The following KDM3B variants were observed in gnomAD, a reference collection of about 807,000 sequenced individuals.
KDM3B encodes lysine demethylase 3B.
Under a neutral mutation model 170.0 loss-of-function variants are expected in KDM3B, and 10 were observed. The ratio of observed to expected loss-of-function variants is 0.06; its 90% CI spans 0.04 to 0.10. The LOEUF is 0.10. Ranked by LOEUF, KDM3B falls within the 10% of genes least tolerant of loss-of-function variation. The pLI is 1.00. For synonymous variants in KDM3B, 831 were observed against 834.8 expected (o/e 1.00, Z 0.08); for missense variants, 1,394 against 2,195.2 (o/e 0.64, Z 7.29).
At chr5:138,384,714 G>A (rs1023955368) in intron 6 of KDM3B, among the ~76,000 whole-genome samples, 1 of 142,864 alleles carries the variant, frequency 7.0e-6, no homozygotes, top group African/African-American at 2.6e-5. Flanking sequence ...ACTCCAGCCT[G>A]CACGACAAGA....
intron 1 of KDM3B, among the ~76,000 whole-genome samples, chr5:138,370,404 T>A (rs1243738517): frequency 6.6e-6 from 1 of 152,212 alleles, no homozygotes; most frequent in Non-Finnish European, 1.5e-5. Flanking sequence ...GCTAGGCTAC[T>A]GAGCTATGGT....
At chr5:138,364,331 GAT>G (rs990310570) in intron 1 of KDM3B, among the ~76,000 whole-genome samples, 6 of 152,130 alleles carry the variant, frequency 3.9e-5, no homozygotes, top group Non-Finnish European at 7.3e-5. Flanking sequence ...TAACGCAAAA[GAT>G]AATAATAAAT....
intron 11 of KDM3B, among the ~76,000 whole-genome samples, chr5:138,410,072 C>G (rs778266189): frequency 6.7e-6 from 1 of 150,148 alleles, no homozygotes; most frequent in Non-Finnish European, 1.5e-5. Context: ...GGGCAATGAG[C>G]GAAACTCCTT....
In KDM3B at chr5:138,381,601, G is replaced by A. The variant is rs757161189; in HGVS notation, c.780+11G>A. 6.5e-7 allele frequency: 1 copy of A among 1,537,520 alleles called. No homozygotes were observed. Among genetic ancestry groups the A allele is most frequent in the Non-Finnish European group, 9.0e-7 (1 of 1,109,956 alleles). On this transcript the variant is annotated intron_variant, in intron 6 of 23. Transcript: ENST00000314358. ...GCGCCTCAAAGCGAGGTACAGTAAT[G>A]GACTGCATTCCTGAGCAGACTCATG...
At chr5:138,427,121 A>G in intron 18 of KDM3B, 56 bp downstream of exon 18, 1 of 1,606,544 alleles carries the variant, frequency 6.2e-7, no homozygotes, top group Admixed American at 1.7e-5. Context: ...AATCACAGAA[A>G]AGTGAAATTT....
intron 23 of KDM3B, among the ~76,000 whole-genome samples, chr5:138,433,090 C>T (rs923649963): frequency 8.0e-5 from 12 of 149,788 alleles, no homozygotes; most frequent in African/African-American, 2.7e-4. Context: ...ACCTTCAACT[C>T]TGAGTCTGAT....
chr5:138,372,354 T>C (rs1323161386), intron 1 of KDM3B, among the ~76,000 whole-genome samples: 1 of 152,198 alleles, frequency 6.6e-6, no homozygotes, highest in Non-Finnish European at 1.5e-5. Flanking sequence ...ACCTTATATA[T>C]GGTAAGCCCT....
chr5:138,382,390 T>C (rs1462181529), intron 6 of KDM3B, among the ~76,000 whole-genome samples: 1 of 152,108 alleles, frequency 6.6e-6, no homozygotes, highest in Non-Finnish European at 1.5e-5. Context: ...ACGTGGAGGT[T>C]GCAATGAGCT....
intron 23 of KDM3B, among the ~76,000 whole-genome samples, chr5:138,434,350 C>T (rs1763619066): frequency 6.6e-6 from 1 of 152,098 alleles, no homozygotes; most frequent in Non-Finnish European, 1.5e-5. Context: ...GAGTTCGAGA[C>T]CAGCCTGGCC....
At chr5:138,375,248 C>G (rs760347468) in intron 3 of KDM3B, 42 bp downstream of exon 3, 3 of 1,272,504 alleles carry the variant, frequency 2.4e-6, no homozygotes, top group South Asian at 2.4e-5. Flanking sequence ...TTATTTTTTT[C>G]GCTGCTAATT....
intron 18 of KDM3B, 47 bp downstream of exon 18, chr5:138,427,112 A>G: frequency 6.2e-7 from 1 of 1,607,120 alleles, no homozygotes; most frequent in South Asian, 1.1e-5. Context: ...TCACAAAGTA[A>G]TCACAGAAAA....
intron 3 of KDM3B, among the ~76,000 whole-genome samples, chr5:138,375,538 CG>C (rs1761976171): frequency 6.6e-6 from 1 of 151,838 alleles, no homozygotes; most frequent in African/African-American, 2.4e-5. Flanking sequence ...CCACAAAGCC[CG>C]GCTTATTTTT....
Position 138,424,100 on chromosome 5 carries a change from C to T in KDM3B, c.3998C>T (p.Pro1333Leu), listed in dbSNP as rs1763336850. 2 of 1,579,988 alleles carry T rather than the reference C, an allele frequency of 1.3e-6. No individual in the cohort carries two copies. The highest frequency in any genetic ancestry group is 2.3e-5 in the East Asian group (1 of 44,420). ...SAGVKSKASL[P>L]NFLDHIIASV... ...GGAGTGAAGAGCAAGGCCAGCCTAC[C>T]CAACTTTCTTGACCACATCATTGCC... The change falls in exon 16 of 24, where the codon CCC becomes CTC. Residue 1333 changes from proline to leucine, a missense_variant. Pro to Leu is a moderately conservative substitution (Grantham distance 98, BLOSUM62 -3). This residue lies in a region of KDM3B where 137 missense variants were observed against 166.9 expected (regional missense o/e 0.82). Coordinates refer to ENST00000314358, the MANE Select transcript of KDM3B (RefSeq NM_016604.4).
intron 14 of KDM3B, among the ~76,000 whole-genome samples, chr5:138,420,103 G>A (rs977860084): frequency 1.2e-4 from 19 of 152,120 alleles, no homozygotes; most frequent in African/African-American, 4.6e-4. Flanking sequence ...GGTCAGGCTG[G>A]TCTCAAACTC....
At chr5:138,366,576 C>A (rs1375563283) in intron 1 of KDM3B, among the ~76,000 whole-genome samples, 1 of 152,144 alleles carries the variant, frequency 6.6e-6, no homozygotes, top group East Asian at 1.9e-4. Flanking sequence ...AGTGATCCTC[C>A]CACCTCAGCC....
intron 4 of KDM3B, 117 bp from the exon 5 acceptor site, chr5:138,379,466 TA>T: frequency 1.1e-6 from 1 of 944,226 alleles, no homozygotes; most frequent in Non-Finnish European, 1.6e-6. Flanking sequence ...TTCAGTTCTA[TA>T]AAAGAGGACC....
In KDM3B at chr5:138,431,576, T is replaced by G; in HGVS notation, c.5205+17T>G. The stretch of plus-strand genomic sequence containing the variant: ...AAACTGCAGGTAAATAACTCCTCCC[T>G]CTACCCCACTCTGTCTTCTCATTGC... On this transcript the variant is annotated intron_variant, in intron 23 of 23. Transcript: ENST00000314358. 12 of 1,580,698 alleles carry G rather than the reference T, an allele frequency of 7.6e-6. No individual in the cohort carries two copies. Among genetic ancestry groups the G allele is most frequent in the Non-Finnish European group, 1.0e-5 (12 of 1,165,320 alleles).
intron 11 of KDM3B, among the ~76,000 whole-genome samples, chr5:138,412,712 C>G (rs1274722718): frequency 6.6e-6 from 1 of 152,160 alleles, no homozygotes; most frequent in Non-Finnish European, 1.5e-5. Flanking sequence ...ATAATCCCAG[C>G]TACCTGGGAG....
chr5:138,427,919 C>T (rs1377860807), intron 19 of KDM3B, 48 bp from the exon 20 acceptor site: 2 of 1,584,340 alleles, frequency 1.3e-6, no homozygotes, highest in Non-Finnish European at 8.6e-7. Flanking sequence ...GACGTGGATT[C>T]TTCCAAATAT....
Sources: gnomAD v4.1 joint callset for allele counts (sites outside exome capture counted in the v4.1 genomes callset) on GRCh38, gnomAD v4.1.1 for gene constraint, gnomAD v4.1.1 regional missense constraint, MANE v1.5 for transcripts, NCBI Gene and HGNC (gene_info 2026-07-23, HGNC 2026-07-21) for gene names.